The following IK variants were observed in gnomAD, a reference collection of about 807,000 sequenced individuals.
The protein encoded by IK is protein Red.
Under a neutral mutation model 90.9 loss-of-function variants are expected in IK, and 47 were observed. That is an observed-to-expected ratio of 0.52 (90% CI 0.41 to 0.66). The LOEUF (loss-of-function observed/expected upper bound fraction) is 0.66. Among genes scored for constraint, IK ranks in the 30% least tolerant of loss-of-function variants. The pLI is 0.00. For missense variants in IK, 385 were observed against 709.3 expected (o/e 0.54, Z 5.19); for synonymous variants, 201 against 227.5 (o/e 0.88, Z 1.05).
At position 140,648,901 on chromosome 5, in the gene IK, G is replaced by C. The variant is rs180826181; in HGVS notation, c.83+364G>C. Reference sequence around the variant, plus strand: ...TGCTCAGGCTGGAATGCAGTGGTGCGATCTCGGCTCACCACAACCTCCGCC... The same window carrying C: ...TGCTCAGGCTGGAATGCAGTGGTGCCATCTCGGCTCACCACAACCTCCGCC... On this transcript the variant is annotated intron_variant, in intron 2 of 19. Coordinates refer to ENST00000417647, the MANE Select transcript of IK (RefSeq NM_006083.4). 2.4e-3 allele frequency: 613 copies of C among 254,228 alleles called. 4 individuals carry two copies. Among genetic ancestry groups the C allele is most frequent in the Middle Eastern group, 8.8e-3 (6 of 680 alleles). The allele number at this position is 254,228 out of a possible 1,614,324, so 15.7% of individuals were successfully genotyped here.
intron 9 of IK, among the ~76,000 whole-genome samples, chr5:140,657,100 G>T (rs556199839): frequency 5.9e-5 from 9 of 152,310 alleles, no homozygotes; most frequent in African/African-American, 2.2e-4. Context: ...TTACTCGGAA[G>T]GCTGAGGCAT....
At chr5:140,650,502 T>A (rs553753889) in intron 2 of IK, among the ~76,000 whole-genome samples, 1 of 152,210 alleles carries the variant, frequency 6.6e-6, no homozygotes, top group South Asian at 2.1e-4. Context: ...TGTCTTTCCC[T>A]CTTTGGGAAA....
chr5:140,659,153 G>T lies in IK; in HGVS notation c.1165G>T (p.Val389Leu), dbSNP rs763071901. Residue 389 changes from valine to leucine, a missense_variant, in exon 12 of 20, where the codon GTA becomes TTA. Physicochemically the swap from Val to Leu is conservative, Grantham distance 32. Transcript: ENST00000417647. ...KRHSYFEKPK[V>L]DDEPMDVDKG... Reference sequence around the variant, plus strand: ...ACACAGCTACTTTGAGAAGCCAAAAGTAGATGATGAGGTGAGATGTGGGCC... The same window carrying T: ...ACACAGCTACTTTGAGAAGCCAAAATTAGATGATGAGGTGAGATGTGGGCC... 73 of 1,589,506 alleles carry T rather than the reference G, an allele frequency of 4.6e-5. No individual in the cohort carries two copies. The South Asian group carries it at 7.2e-4, about 16-fold the overall frequency.
In IK at chr5:140,654,509, C is replaced by T; in HGVS notation, c.520-7C>T. ...GAGTGTCCTAACCCTGCTTGCTTTC[C>T]TGTTAGGTACGAGCTGAGATTGCCA... On this transcript the variant is annotated splice_polypyrimidine_tract_variant and splice_region_variant and intron_variant, in intron 6 of 19. Coordinates refer to ENST00000417647, the MANE Select transcript of IK (RefSeq NM_006083.4). 2 of 1,580,858 alleles carry T rather than the reference C, an allele frequency of 1.3e-6. No individual in the cohort carries two copies. Among genetic ancestry groups the T allele is most frequent in the Non-Finnish European group, 1.7e-6 (2 of 1,162,900 alleles).
chr5:140,651,965 C>T, intron 3 of IK, 123 bp from the exon 4 acceptor site: 1 of 867,144 alleles, frequency 1.2e-6, no homozygotes, highest in Non-Finnish European at 1.9e-6. Flanking sequence ...TGGATTTCTG[C>T]TTGATTGAAA....
chr5:140,652,926 C>CTTGAGG, intron 4 of IK, 51 bp from the exon 5 acceptor site: 1 of 1,573,142 alleles, frequency 6.4e-7, no homozygotes, highest in Admixed American at 1.7e-5. Flanking sequence ...TTCTGTTGAC[C>CTTGAGG]TTGAGGTAGC....
At chr5:140,656,110 T>C (rs1355724331) in intron 9 of IK, 118 bp downstream of exon 9, 14 of 877,342 alleles carry the variant, frequency 1.6e-5, no homozygotes, top group Non-Finnish European at 2.1e-5. Flanking sequence ...TTTTACCTCC[T>C]AAATCTCAAC....
chr5:140,657,760 G>A (rs937995304), intron 10 of IK, 98 bp downstream of exon 10: 52 of 749,724 alleles, frequency 6.9e-5, no homozygotes, highest in Non-Finnish European at 9.9e-5. Context: ...ATATTGAGAG[G>A]CTCCTGGGAA....
intron 2 of IK, chr5:140,648,756 T>TA (rs1757549306): frequency 1.6e-4 from 85 of 539,546 alleles, no homozygotes; most frequent in Middle Eastern, 4.8e-4. Flanking sequence ...TTTTTTTTTT[T>TA]ATACGTGTTG....
At chr5:140,654,153 G>A in intron 6 of IK, 101 bp downstream of exon 6, 1 of 715,320 alleles carries the variant, frequency 1.4e-6, no homozygotes, top group South Asian at 1.6e-5. Flanking sequence ...TTCAGACTGA[G>A]TAGAAGAAGG....
At chr5:140,656,869 T>C (rs570857691) in intron 9 of IK, among the ~76,000 whole-genome samples, 2 of 152,334 alleles carry the variant, frequency 1.3e-5, no homozygotes, top group East Asian at 1.9e-4. Context: ...TCATTCTTTC[T>C]ATTTTTTTGG....
At chr5:140,652,291 C>G in intron 4 of IK, 144 bp downstream of exon 4, 1 of 637,304 alleles carries the variant, frequency 1.6e-6, no homozygotes, top group South Asian at 2.1e-5. Context: ...CTTAGAGTGG[C>G]AGTAGAGGGC....
In IK at chr5:140,661,464, T is replaced by C; in HGVS notation, c.1414-156T>C. ...GTACAGAATAATGCCTGTCACATAGTAAGTATGTAATAAGCATTTATTATT... is the reference window on the plus strand; with the variant it reads ...GTACAGAATAATGCCTGTCACATAGCAAGTATGTAATAAGCATTTATTATT... On this transcript the variant is annotated intron_variant, in intron 16 of 19. Coordinates refer to ENST00000417647, the MANE Select transcript of IK (RefSeq NM_006083.4). The surrounding 1 kb of genome is among the most constrained non-coding windows in gnomAD (Gnocchi z 4.2). 1 of 616,370 alleles carries C rather than the reference T, an allele frequency of 1.6e-6. No individual in the cohort carries two copies. Among genetic ancestry groups the C allele is most frequent in the Non-Finnish European group, 2.9e-6 (1 of 339,436 alleles). The allele number at this position is 616,370 out of a possible 1,614,324, so 38.2% of individuals were successfully genotyped here.
chr5:140,653,543 G>A (rs1757651237), intron 5 of IK, among the ~76,000 whole-genome samples: 1 of 151,298 alleles, frequency 6.6e-6, no homozygotes, highest in Admixed American at 6.6e-5. Context: ...TCGGCCTGCT[G>A]AAGTGCTGGG....
intron 16 of IK, 105 bp downstream of exon 16, chr5:140,660,920 C>A (rs1757794327): frequency 2.4e-6 from 2 of 822,904 alleles, no homozygotes; most frequent in Non-Finnish European, 4.1e-6. Flanking sequence ...CTGGGCCCCA[C>A]CCTCCTTTAG....
intron 3 of IK, 106 bp from the exon 4 acceptor site, chr5:140,651,982 C>A: frequency 1.1e-6 from 1 of 933,720 alleles, no homozygotes; most frequent in Non-Finnish European, 1.7e-6. Flanking sequence ...GAAAGTGTTA[C>A]TTTGATCAGT....
At chr5:140,650,025 T>C (rs1165807581) in intron 2 of IK, among the ~76,000 whole-genome samples, 1 of 152,208 alleles carries the variant, frequency 6.6e-6, no homozygotes, top group Non-Finnish European at 1.5e-5. Flanking sequence ...CATTCCCTCC[T>C]TGGCTAAACT....
intron 15 of IK, 90 bp downstream of exon 15, chr5:140,660,285 GCTA>G: frequency 1.9e-6 from 1 of 516,804 alleles, no homozygotes; most frequent in Non-Finnish European, 3.1e-6. Flanking sequence ...AAGTCCCAGG[GCTA>G]CTTCTTTTTT....
In IK at chr5:140,660,193, C is replaced by T. The variant is rs1427305996; in HGVS notation, c.1353C>T (p.Ala451=). 3 of 1,610,078 alleles carry T rather than the reference C, an allele frequency of 1.9e-6. No homozygotes were observed. The highest frequency in any genetic ancestry group is 2.5e-6 in the Non-Finnish European group (3 of 1,176,930). ...ACAGTTATGCAGAGTGCTACCCAGC[C>T]ACGTATGTGAAACCTGGTTAAGGAA... ...MSNSYAECYP[A]TMDDMAVDSD... is the part of the protein sequence containing the mutation. Residue 451 remains alanine, a splice_region_variant and synonymous_variant, in exon 15 of 20, where the codon GCC becomes GCT. Transcript: ENST00000417647.
Sources: allele counts gnomAD v4.1 joint callset (sites outside exome capture counted in the v4.1 genomes callset), GRCh38; gene constraint gnomAD v4.1.1; non-coding constraint Gnocchi (gnomAD v3.1); transcripts MANE v1.5; gene names NCBI Gene and HGNC (gene_info 2026-07-23, HGNC 2026-07-21).